Variants in TAF3 observed in about 807,000 individuals in gnomAD.
The protein encoded by TAF3 is TATA-box binding protein associated factor 3.
In TAF3, 7 loss-of-function variants were observed where a neutral mutation model predicts 80.6. That is an observed-to-expected ratio of 0.09 (90% CI 0.05 to 0.16). TAF3 has a LOEUF of 0.16. TAF3 is among the 10% of genes least tolerant of loss of function. The pLI, the probability that TAF3 is intolerant of heterozygous loss-of-function variation, is 1.00. For missense variants in TAF3, 921 were observed against 1,140.2 expected (o/e 0.81, Z 2.77); for synonymous variants, 444 against 446.1 (o/e 1.00, Z 0.06).
intron 2 of TAF3, among the ~76,000 whole-genome samples, chr10:7,949,608 T>G (rs1200166261): frequency 6.6e-6 from 1 of 152,246 alleles, no homozygotes; most frequent in African/African-American, 2.4e-5. Context: ...AAGAATTTAA[T>G]AGTAACTTGA....
rs71505465 is a variant in TAF3 at position 7,842,151 on chromosome 10, G to GTTTTTTTTTTTTTTTT, written c.409+17603_409+17604insTTTTTTTTTTTTTTTT. On this transcript the variant is annotated intron_variant, in intron 2 of 6. Transcript: ENST00000344293. ...CATTGTAGGATATTGAATTAATATT[G>GTTTTTTTTTTTTTTTT]TTTTTTTTTTTTGTTTTTTTTTTTG... Among the ~76,000 whole-genome samples, 5 of 98,796 alleles carry GTTTTTTTTTTTTTTTT rather than the reference G, an allele frequency of 5.1e-5. 1 individual carries two copies. Among genetic ancestry groups the GTTTTTTTTTTTTTTTT allele is most frequent in the Non-Finnish European group, 8.6e-5 (4 of 46,636 alleles). The allele number at this position is 98,796 out of a possible 152,430, so 64.8% of individuals were successfully genotyped here.
At chr10:7,855,134 G>A (rs1006423469) in intron 2 of TAF3, among the ~76,000 whole-genome samples, 5 of 152,196 alleles carry the variant, frequency 3.3e-5, no homozygotes, top group Non-Finnish European at 5.9e-5. Context: ...AGCAGACCCA[G>A]TACAACTGAA....
intron 2 of TAF3, among the ~76,000 whole-genome samples, chr10:7,892,510 A>AT (rs1436597646): frequency 2.6e-5 from 4 of 152,354 alleles, no homozygotes; most frequent in African/African-American, 7.2e-5. Flanking sequence ...AGATGTGATG[A>AT]TTTTTTAAAA....
chr10:7,819,042 C>G lies in TAF3; in HGVS notation c.166+167C>G, dbSNP rs113088891. ...TGGGCTTCCACTGCCGCTCCAAACT[C>G]TAGTCATCCTTCGGGTGCCTCTTCC... On this transcript the variant is annotated intron_variant, in intron 1 of 6. Coordinates refer to ENST00000344293, the MANE Select transcript of TAF3 (RefSeq NM_031923.4). Among the ~76,000 whole-genome samples the G allele has an allele frequency of 8.4e-3, 1,278 of 152,238 alleles. 8 individuals are homozygous for G. The highest frequency in any genetic ancestry group is 0.018 in the South Asian group (86 of 4,826).
At chr10:8,001,265 C>T (rs941929913) in intron 4 of TAF3, among the ~76,000 whole-genome samples, 2 of 152,156 alleles carry the variant, frequency 1.3e-5, no homozygotes, top group Non-Finnish European at 2.9e-5. Flanking sequence ...CTCTCCCTTT[C>T]CCCTAGCCTG....
Position 7,964,719 on chromosome 10 carries a change from G to A in TAF3, c.1209G>A (p.Glu403=), listed in dbSNP as rs544080904. ...TTGCACGAGCCTGTGCTGAGCGAGA[G>A]CCAGATCCTTTCGAATTTTCTTCTG... ...AVIARACAER[E]PDPFEFSSGS... Residue 403 remains glutamate (E), a synonymous_variant, in exon 3 of 7, where the codon GAG becomes GAA. Transcript: ENST00000344293. This position sits in a 1 kb window ranked among gnomAD's most constrained non-coding sequence, Gnocchi z 4.1. 1.9e-6 allele frequency: 3 copies of A among 1,614,190 alleles called. No homozygotes were observed. Among genetic ancestry groups the A allele is most frequent in the Admixed American group, 1.7e-5 (1 of 60,024 alleles).
intron 4 of TAF3, among the ~76,000 whole-genome samples, chr10:7,981,232 C>T (rs1284061716): frequency 6.6e-6 from 1 of 152,178 alleles, no homozygotes; most frequent in Non-Finnish European, 1.5e-5. Flanking sequence ...GCTGTCTTCT[C>T]CCAAGGACTG....
intron 2 of TAF3, among the ~76,000 whole-genome samples, chr10:7,930,065 G>T (rs1384192233): frequency 1.3e-5 from 2 of 152,150 alleles, no homozygotes; most frequent in Non-Finnish European, 2.9e-5. Context: ...AAGTGGGGTG[G>T]CACACACCTG....
intron 2 of TAF3, among the ~76,000 whole-genome samples, chr10:7,914,279 C>T (rs1005654261): frequency 6.6e-6 from 1 of 152,170 alleles, no homozygotes; most frequent in Non-Finnish European, 1.5e-5. Context: ...TAAACGATGT[C>T]GGGGTAAGAG....
At position 7,822,453 on chromosome 10, in the gene TAF3, T is replaced by G. The variant is rs528857026; in HGVS notation, c.167-1865T>G. 8.8e-4 allele frequency among the ~76,000 whole-genome samples: 134 copies of G among 151,768 alleles called. 1 individual carries two copies. The highest frequency in any genetic ancestry group is 3.1e-3 in the African/African-American group (129 of 41,344). Reference sequence around the variant, plus strand: ...GAGTATTCGTTTTATTTATTTTCTTTTTTTAATGCATCACAGAAGTAACCC... The same window carrying G: ...GAGTATTCGTTTTATTTATTTTCTTGTTTTAATGCATCACAGAAGTAACCC... On this transcript the variant is annotated intron_variant, in intron 1 of 6. Coordinates refer to ENST00000344293, the MANE Select transcript of TAF3 (RefSeq NM_031923.4).
chr10:7,857,623 G>A (rs1420237227), intron 2 of TAF3, among the ~76,000 whole-genome samples: 1 of 152,166 alleles, frequency 6.6e-6, no homozygotes, highest in East Asian at 1.9e-4. Context: ...TCTTCATCCT[G>A]TTTGTGAGTT....
chr10:7,970,663 A>G (rs971569459), intron 3 of TAF3, among the ~76,000 whole-genome samples: 1 of 152,218 alleles, frequency 6.6e-6, no homozygotes, highest in African/African-American at 2.4e-5. Context: ...TAACCGCCAT[A>G]TTTTAAAGAG....
chr10:7,958,857 G>A (rs1420456174), intron 2 of TAF3, among the ~76,000 whole-genome samples: 3 of 151,996 alleles, frequency 2.0e-5, no homozygotes, highest in Admixed American at 6.6e-5. Flanking sequence ...GCTTTTGGCC[G>A]GGCACGGTGG....
At chr10:7,884,098 A>G (rs532927399) in intron 2 of TAF3, among the ~76,000 whole-genome samples, 58 of 152,212 alleles carry the variant, frequency 3.8e-4, no homozygotes, top group African/African-American at 6.3e-4. Flanking sequence ...TCACTTGTCA[A>G]CTGCCCCGCC....
At chr10:8,003,760 T>G (rs960297310) in intron 4 of TAF3, among the ~76,000 whole-genome samples, 2 of 152,210 alleles carry the variant, frequency 1.3e-5, no homozygotes, top group African/African-American at 4.8e-5. Flanking sequence ...ACATTGCCAG[T>G]CTTGGCCAGG....
At chr10:7,959,298 C>A (rs898555272) in intron 2 of TAF3, among the ~76,000 whole-genome samples, 1 of 151,954 alleles carries the variant, frequency 6.6e-6, no homozygotes, top group Non-Finnish European at 1.5e-5. Flanking sequence ...AAATAAGAAA[C>A]CTTTGTTTGT....
chr10:7,974,021 G>T (rs562428547), intron 3 of TAF3, among the ~76,000 whole-genome samples: 1 of 151,908 alleles, frequency 6.6e-6, no homozygotes, highest in Admixed American at 6.6e-5. Context: ...CCAGCTACTC[G>T]GGAGGCTGAG....
chr10:7,979,328 A>T (rs1831702395), intron 4 of TAF3, among the ~76,000 whole-genome samples: 1 of 150,908 alleles, frequency 6.6e-6, no homozygotes, highest in Non-Finnish European at 1.5e-5. Flanking sequence ...TGGGCAACAG[A>T]ACAAGTCTCT....
Position 7,853,962 on chromosome 10 carries a change from GA to G in TAF3, c.409+29403del, listed in dbSNP as rs1408463476. On this transcript the variant is annotated intron_variant, in intron 2 of 6. Coordinates refer to ENST00000344293, the MANE Select transcript of TAF3 (RefSeq NM_031923.4). ...TTGGCTGCATGGAATTTATAATAAAGAGTGTTCTTTTTATTTGTAAATTATG... is the reference window on the plus strand; with the variant it reads ...TTGGCTGCATGGAATTTATAATAAAGGTGTTCTTTTTATTTGTAAATTATG... 2.0e-5 allele frequency among the ~76,000 whole-genome samples: 3 copies of G among 152,174 alleles called. No individual in the cohort carries two copies. The East Asian group carries it at 5.8e-4, about 29-fold the overall frequency.
Sources: allele counts gnomAD v4.1 joint callset (sites outside exome capture counted in the v4.1 genomes callset), GRCh38; gene constraint gnomAD v4.1.1; non-coding constraint Gnocchi (gnomAD v3.1); transcripts MANE v1.5; gene names NCBI Gene and HGNC (gene_info 2026-07-23, HGNC 2026-07-21).